SPATA21: variants seen among roughly 807,000 people sequenced by gnomAD.
The protein encoded by SPATA21 is spermatogenesis associated 21.
In SPATA21, 47 loss-of-function variants were observed where a neutral mutation model predicts 54.8. The observed-to-expected ratio is 0.86, with a 90% CI of 0.68 to 1.09. The LOEUF (loss-of-function observed/expected upper bound fraction) is 1.09. Among genes scored for constraint, SPATA21 ranks in the 50% least tolerant of loss-of-function variants. The pLI is 0.00. For synonymous variants in SPATA21, 245 were observed against 235.3 expected (o/e 1.04, Z -0.38); for missense variants, 599 against 596.4 (o/e 1.00, Z -0.05).
downstream of SPATA21, chr1:16,398,058 T>C (rs1408526470): frequency 1.5e-5 from 13 of 884,322 alleles, no homozygotes; most frequent in Non-Finnish European, 1.8e-5. Context: ...AGCTGCCCAC[T>C]CCCACCCCAC....
chr1:16,412,682 C>T (rs973799550), intron 5 of SPATA21, among the ~76,000 whole-genome samples: 4 of 152,122 alleles, frequency 2.6e-5, no homozygotes, highest in Non-Finnish European at 5.9e-5. Context: ...AAACTGGTCT[C>T]GAACTCCTGA....
Position 16,430,755 on chromosome 1 carries a change from T to C in SPATA21, c.34+583A>G, listed in dbSNP as rs1033370070. Among the ~76,000 whole-genome samples, 3 of 152,218 alleles carry C rather than the reference T, an allele frequency of 2.0e-5. No homozygotes were observed. In the East Asian group the frequency reaches 5.8e-4, roughly 29 times the overall value. On this transcript the variant is annotated intron_variant, in intron 3 of 12. Coordinates refer to ENST00000335496, the MANE Select transcript of SPATA21 (RefSeq NM_198546.1). ...GAGCCACCTATCACCTCTGTCTCCA[T>C]TGTATCAAGAGATCCAGACCACTCC...
rs376499162 is a variant in SPATA21 at position 16,409,612 on chromosome 1, G to A, written c.576C>T (p.Tyr192=). 42 of 1,611,372 alleles carry A rather than the reference G, an allele frequency of 2.6e-5. No individual in the cohort carries two copies. Among genetic ancestry groups the A allele is most frequent in the Middle Eastern group, 3.9e-4 (2 of 5,106 alleles). ...GCGGGGGCTCCTACCGCGCCTTGGC[G>A]TAGCTCAGGGTTCTCTCGCTGCTCT... ...LHQSSERTLS[Y]AKARQEPEEQ... Residue 192 remains tyrosine, a synonymous_variant, in exon 6 of 13, where the codon TAC becomes TAT. Transcript: ENST00000335496. The surrounding 1 kb of genome is among the most constrained non-coding windows in gnomAD (Gnocchi z 4.1).
rs150012567 is a variant in SPATA21, at chr1:16,406,933, T to C, written c.674-1829A>G. Among the ~76,000 whole-genome samples, 89 of 152,324 alleles carry C rather than the reference T, an allele frequency of 5.8e-4. 1 individual carries two copies. In the East Asian group the frequency reaches 0.017, roughly 28 times the overall value. On this transcript the variant is annotated intron_variant, in intron 7 of 12. Coordinates refer to ENST00000335496, the MANE Select transcript of SPATA21 (RefSeq NM_198546.1). The stretch of plus-strand genomic sequence containing the variant: ...TCCAGCCTGTGACAAAAGAAATGTC[T>C]GCTGTTTCAACCATCCAGTCTGTGG...
intron 11 of SPATA21, among the ~76,000 whole-genome samples, chr1:16,400,248 C>T (rs1168299708): frequency 6.6e-6 from 1 of 152,142 alleles, no homozygotes; most frequent in Non-Finnish European, 1.5e-5. Flanking sequence ...AACTTCTGAC[C>T]TCAGGTGATC....
intron 5 of SPATA21, among the ~76,000 whole-genome samples, chr1:16,415,212 C>T (rs968063741): frequency 2.6e-4 from 40 of 152,180 alleles, no homozygotes; most frequent in Non-Finnish European, 4.8e-4. Flanking sequence ...TGGCTCGCGC[C>T]TGTACTATCA....
Position 16,403,611 on chromosome 1 carries a change from C to G in SPATA21, c.1001+116G>C, listed in dbSNP as rs955948387. On this transcript the variant is annotated intron_variant, in intron 10 of 12. Coordinates refer to ENST00000335496, the MANE Select transcript of SPATA21 (RefSeq NM_198546.1). ...TCAAGCGATTCTCGTGCCTCAGCCT[C>G]CAGTTTCTTTCACTTGTGACTAAAA... 3.2e-6 allele frequency: 3 copies of G among 923,294 alleles called. No individual in the cohort carries two copies. In the African/African-American group the frequency reaches 4.9e-5, roughly 15 times the overall value. The allele number at this position is 923,294 out of a possible 1,614,324, so 57.2% of individuals were successfully genotyped here.
At chr1:16,405,895 T>C (rs1444550961) in intron 7 of SPATA21, among the ~76,000 whole-genome samples, 5 of 152,204 alleles carry the variant, frequency 3.3e-5, no homozygotes, top group Admixed American at 3.3e-4. Context: ...GAGCCTCAGT[T>C]TCCCCATTGT....
At chr1:16,404,842 G>T in intron 8 of SPATA21, 125 bp downstream of exon 8, 2 of 1,094,576 alleles carry the variant, frequency 1.8e-6, no homozygotes, top group East Asian at 3.0e-5. Flanking sequence ...TTTCTAGACT[G>T]TGACAGTAGA....
chr1:16,424,526 T>C (rs2086269287), intron 3 of SPATA21, among the ~76,000 whole-genome samples: 1 of 151,880 alleles, frequency 6.6e-6, no homozygotes, highest in Admixed American at 6.6e-5. Flanking sequence ...CAGGGGATCC[T>C]CCCATCTCAG....
chr1:16,409,577 C>T lies in SPATA21; in HGVS notation c.587+24G>A, dbSNP rs1159516477. On this transcript the variant is annotated intron_variant, in intron 6 of 12. Transcript: ENST00000335496. The surrounding 1 kb of genome is among the most constrained non-coding windows in gnomAD (Gnocchi z 4.1). The stretch of plus-strand genomic sequence containing the variant: ...GATCTTGGGGCCTTTCAGGAGCGGG[C>T]GGGTGAGCAGCGGGGGCTCCTACCG... 2.5e-6 allele frequency: 4 copies of T among 1,595,352 alleles called. No individual in the cohort carries two copies. Among genetic ancestry groups the T allele is most frequent in the Admixed American group, 1.7e-5 (1 of 57,632 alleles).
chr1:16,403,942 A>G, intron 9 of SPATA21, 26 bp downstream of exon 9: 1 of 1,608,116 alleles, frequency 6.2e-7, no homozygotes. Context: ...TCCAGTTCTG[A>G]CTACGCTGGG....
In SPATA21 at chr1:16,430,382, G is replaced by A. The variant is rs186952488; in HGVS notation, c.34+956C>T. ...TGGGAGTTCGAGGCTGCAGTGAGTC[G>A]TGATCGCACCACTGCACTCCAGTCT... On this transcript the variant is annotated intron_variant, in intron 3 of 12. Coordinates refer to ENST00000335496, the MANE Select transcript of SPATA21 (RefSeq NM_198546.1). Among the ~76,000 whole-genome samples, 377 of 152,146 alleles carry A rather than the reference G, an allele frequency of 2.5e-3. 6 individuals are homozygous for A. The highest frequency in any genetic ancestry group is 3.8e-3 in the Non-Finnish European group (260 of 67,992).
At chr1:16,434,106 A>G (rs747675864) in intron 1 of SPATA21, among the ~76,000 whole-genome samples, 6 of 152,064 alleles carry the variant, frequency 3.9e-5, no homozygotes, top group Non-Finnish European at 7.4e-5. Context: ...ATCATACAAT[A>G]TATGGTCCTT....
At chr1:16,404,937 G>T in intron 8 of SPATA21, 30 bp downstream of exon 8, 1 of 1,531,494 alleles carries the variant, frequency 6.5e-7, no homozygotes, top group Non-Finnish European at 8.7e-7. Context: ...GCCCTGCCTG[G>T]GATGCAGAGT....
At chr1:16,400,658 C>A (rs2085415338) in intron 11 of SPATA21, 62 bp downstream of exon 11, 3 of 1,534,582 alleles carry the variant, frequency 2.0e-6, no homozygotes, top group South Asian at 1.3e-5. Flanking sequence ...GGAAAGGAGA[C>A]CAGATGGGCA....
intron 10 of SPATA21, among the ~76,000 whole-genome samples, chr1:16,402,343 C>G (rs192774895): frequency 1.4e-5 from 2 of 140,510 alleles, no homozygotes; most frequent in Admixed American, 7.8e-5. Context: ...CTCACTGCAA[C>G]CTCCGCCTCC....
chr1:16,400,858 T>C lies in SPATA21; in HGVS notation c.1036A>G (p.Lys346Glu), dbSNP rs765450949. 5.0e-6 allele frequency: 8 copies of C among 1,613,558 alleles called. No individual in the cohort carries two copies. The highest frequency in any genetic ancestry group is 6.8e-6 in the Non-Finnish European group (8 of 1,179,864). ...ACGGCCGCTTCCATCTCCTGGGCCT[T>C]GCAGGTGCCTTCCTTCAGCTTTTTC... The part of the protein sequence containing the change: ...YQKKLKEGTC[K>E]AQEMEAAVGR... Residue 346 changes from lysine to glutamate, a missense_variant, in exon 11 of 13, where the codon AAG (lysine) becomes GAG (glutamate). Transcript: ENST00000335496.
intron 7 of SPATA21, among the ~76,000 whole-genome samples, chr1:16,405,493 G>GAAAAAAA (rs538611012): frequency 1.2e-5 from 1 of 81,314 alleles, no homozygotes; most frequent in Non-Finnish European, 2.2e-5. Flanking sequence ...AAATAAAAAT[G>GAAAAAAA]AAAAAAAAAA....
Sources: allele counts gnomAD v4.1 joint callset (sites outside exome capture counted in the v4.1 genomes callset), GRCh38; gene constraint gnomAD v4.1.1; non-coding constraint Gnocchi (gnomAD v3.1); transcripts MANE v1.5; gene names NCBI Gene and HGNC (gene_info 2026-07-23, HGNC 2026-07-21).